Variants in VPS26C observed in about 807,000 individuals in gnomAD.
VPS26C encodes the protein VPS26 endosomal protein sorting factor C.
In VPS26C, 19 loss-of-function variants were observed where a neutral mutation model predicts 30.6. The observed-to-expected ratio is 0.62, with a 90% CI of 0.43 to 0.91. The LOEUF is 0.91. Ranked by LOEUF, VPS26C falls within the 40% of genes least tolerant of loss-of-function variation. The pLI, the probability that VPS26C is intolerant of heterozygous loss-of-function variation, is 0.00. For missense variants in VPS26C, 318 were observed against 385.1 expected (o/e 0.83, Z 1.46); for synonymous variants, 132 against 151.5 (o/e 0.87, Z 0.95).
intron 1 of VPS26C, among the ~76,000 whole-genome samples, chr21:37,242,162 G>A (rs1245041410): frequency 1.3e-5 from 2 of 152,150 alleles, no homozygotes. Context: ...CAATGTTAAT[G>A]TTTAATGTTT....
At chr21:37,249,555 A>C (rs1395292421) in intron 1 of VPS26C, among the ~76,000 whole-genome samples, 3 of 152,264 alleles carry the variant, frequency 2.0e-5, no homozygotes, top group Non-Finnish European at 2.9e-5. Context: ...AAGCCACAAA[A>C]GAAAATTTGA....
intron 7 of VPS26C, chr21:37,227,338 T>A: frequency 3.2e-6 from 1 of 311,488 alleles, no homozygotes; most frequent in South Asian, 5.5e-5. Flanking sequence ...CACCTGCCCA[T>A]GTCTACACAG....
intron 4 of VPS26C, 158 bp from the exon 5 acceptor site, chr21:37,232,609 C>G: frequency 1.6e-6 from 1 of 627,512 alleles, no homozygotes; most frequent in Non-Finnish European, 2.9e-6. Context: ...ACAGTTCTGT[C>G]AAATTTCCCC....
At chr21:37,247,412 T>C (rs1280744059) in intron 1 of VPS26C, among the ~76,000 whole-genome samples, 1 of 152,178 alleles carries the variant, frequency 6.6e-6, no homozygotes, top group Non-Finnish European at 1.5e-5. Context: ...ATAAATAATG[T>C]CTAAAATGTG....
intron 1 of VPS26C, among the ~76,000 whole-genome samples, chr21:37,254,275 TA>T (rs1297288420): frequency 2.0e-5 from 3 of 151,862 alleles, no homozygotes. Flanking sequence ...AACTTCAGAG[TA>T]GAGGACAAGA....
At position 37,228,419 on chromosome 21, in the gene VPS26C, G is replaced by A. The variant is rs894870581; in HGVS notation, c.508-46C>T. On this transcript the variant is annotated intron_variant, in intron 5 of 7. Coordinates refer to ENST00000309117, the MANE Select transcript of VPS26C (RefSeq NM_006052.2). ...ATACATCAGAATGCAGGCAAGGGGG[G>A]AAAGTGCTCCATACTTTGGTGCAAA... 3 of 1,603,652 alleles carry A rather than the reference G, an allele frequency of 1.9e-6. No homozygotes were observed. The African/African-American group carries it at 4.0e-5, about 21-fold the overall frequency.
chr21:37,226,031 T>C lies in VPS26C; in HGVS notation c.812-405A>G. ...CAGACTGTGAACCAGCGCATAGCTGTCTGGGCCCATGTCCCCAATCCCCAG... is the reference window on the plus strand; with the variant it reads ...CAGACTGTGAACCAGCGCATAGCTGCCTGGGCCCATGTCCCCAATCCCCAG... On this transcript the variant is annotated intron_variant, in intron 7 of 7. Transcript: ENST00000309117. This position sits in a 1 kb window ranked among gnomAD's most constrained non-coding sequence, Gnocchi z 4.1. 5.2e-6 allele frequency: 1 copy of C among 191,598 alleles called. No homozygotes were observed. The highest frequency in any genetic ancestry group is 1.2e-4 in the East Asian group (1 of 8,498). The allele number at this position is 191,598 out of a possible 1,614,324, so 11.9% of individuals were successfully genotyped here.
intron 5 of VPS26C, 115 bp from the exon 6 acceptor site, chr21:37,228,488 G>A (rs1418123266): frequency 2.4e-5 from 28 of 1,143,346 alleles, no homozygotes; most frequent in South Asian, 3.0e-5. Context: ...ACAGTCCACC[G>A]GGACCGTCTC....
In VPS26C at chr21:37,240,618, C is replaced by A; in HGVS notation, c.79G>T (p.Val27Phe). ...TGGACTGAATCCTTACTCGATATGACCACCACGCCAGAGAGCACTTCCTGG... is the reference window on the plus strand; with the variant it reads ...TGGACTGAATCCTTACTCGATATGAACACCACGCCAGAGAGCACTTCCTGG... ...HAGEVLSGVVVISSKDSVQHQ... is the reference protein window; with the variant it reads ...HAGEVLSGVVFISSKDSVQHQ... Residue 27 changes from valine (V) to phenylalanine (F), a missense_variant, in exon 2 of 8, where the codon GTC becomes TTC. Physicochemically the swap from Val to Phe is conservative, Grantham distance 50 (BLOSUM62 -1). Transcript: ENST00000309117. 1.2e-6 allele frequency: 2 copies of A among 1,614,040 alleles called. No individual in the cohort carries two copies. The highest frequency in any genetic ancestry group is 1.7e-6 in the Non-Finnish European group (2 of 1,179,974).
In VPS26C at chr21:37,257,211, TC is replaced by T. The variant is rs2086252687; in HGVS notation, c.57+10026del. 6.6e-6 allele frequency among the ~76,000 whole-genome samples: 1 copy of T among 152,058 alleles called. No individual in the cohort carries two copies. Among genetic ancestry groups the T allele is most frequent in the African/African-American group, 2.4e-5 (1 of 41,412 alleles). On this transcript the variant is annotated intron_variant, in intron 1 of 7. Transcript: ENST00000309117. This position sits in a 1 kb window ranked among gnomAD's most constrained non-coding sequence, Gnocchi z 4.2. ...GGAAGTGCGGTTTCCCAAAATGAGG[TC>T]TGTAAACAACTGATCTAGAAAATGT...
Position 37,240,658 on chromosome 21 carries a change from C to T in VPS26C, c.58-19G>A. The T allele has an allele frequency of 2.5e-6, 4 of 1,608,006 alleles. No homozygotes were observed. The highest frequency in any genetic ancestry group is 2.5e-6 in the Non-Finnish European group (3 of 1,177,924). On this transcript the variant is annotated intron_variant, in intron 1 of 7. Coordinates refer to ENST00000309117, the MANE Select transcript of VPS26C (RefSeq NM_006052.2). ...GCACTTCCTGGGAGAGAAAAGACAG[C>T]CACCAATCAAATTAGCATGCTTCCT...
At chr21:37,244,307 G>A (rs902328373) in intron 1 of VPS26C, among the ~76,000 whole-genome samples, 2 of 152,184 alleles carry the variant, frequency 1.3e-5, no homozygotes, top group African/African-American at 2.4e-5. Context: ...GGAGTGCAGC[G>A]GCACGCTGCA....
intron 1 of VPS26C, among the ~76,000 whole-genome samples, chr21:37,248,711 C>T (rs571755968): frequency 1.8e-4 from 24 of 131,614 alleles, no homozygotes; most frequent in Non-Finnish European, 3.3e-4. Flanking sequence ...AAGCAACGAA[C>T]TTAAAAAAAA....
chr21:37,264,435 C>T (rs746129233), intron 1 of VPS26C, among the ~76,000 whole-genome samples: 61 of 152,218 alleles, frequency 4.0e-4, no homozygotes, highest in Non-Finnish European at 1.2e-4. Flanking sequence ...GCAACTTTAC[C>T]ATTCCACTGC....
At chr21:37,250,149 CA>C (rs764768704) in intron 1 of VPS26C, among the ~76,000 whole-genome samples, 1 of 151,754 alleles carries the variant, frequency 6.6e-6, no homozygotes, top group Admixed American at 6.6e-5. Context: ...ACTAAAAATA[CA>C]AAAAATTAGC....
At position 37,227,802 on chromosome 21, in the gene VPS26C, A is replaced by G; in HGVS notation, c.663T>C (p.Cys221=). ...LQLVRVETCG[C]AEGYARDATE... The stretch of plus-strand genomic sequence containing the variant: ...TGGCGTCGCGGGCATAGCCTTCTGC[A>G]CACCCTGCGGGAGGGAGGCCACATC... Residue 221 remains cysteine (C), a synonymous_variant, in exon 7 of 8, where the codon TGT becomes TGC. Coordinates refer to ENST00000309117, the MANE Select transcript of VPS26C (RefSeq NM_006052.2). The G allele has an allele frequency of 6.2e-7, 1 of 1,613,834 alleles. No homozygotes were observed. The highest frequency in any genetic ancestry group is 1.3e-5 in the African/African-American group (1 of 75,018).
chr21:37,239,075 T>C (rs2086056385), intron 2 of VPS26C, among the ~76,000 whole-genome samples: 1 of 152,008 alleles, frequency 6.6e-6, no homozygotes, highest in Non-Finnish European at 1.5e-5. Context: ...CTGCAGCCGC[T>C]CAGGGAGAGC....
At chr21:37,256,803 T>C (rs1368723013) in intron 1 of VPS26C, among the ~76,000 whole-genome samples, 1 of 152,268 alleles carries the variant, frequency 6.6e-6, no homozygotes, top group African/African-American at 2.4e-5. Context: ...TATTTGCGTT[T>C]GTATGACATA....
chr21:37,240,253 G>T (rs575369720), intron 2 of VPS26C, among the ~76,000 whole-genome samples: 1 of 151,992 alleles, frequency 6.6e-6, no homozygotes, highest in South Asian at 2.1e-4. Context: ...CTCCTGAGTA[G>T]CTGGGACTAC....
Sources: gnomAD v4.1 joint callset for allele counts (sites outside exome capture counted in the v4.1 genomes callset) on GRCh38, gnomAD v4.1.1 for gene constraint, Gnocchi (gnomAD v3.1) non-coding constraint, MANE v1.5 for transcripts, NCBI Gene and HGNC (gene_info 2026-07-23, HGNC 2026-07-21) for gene names.